Variants in DDX60L observed in about 807,000 individuals in gnomAD.
The protein encoded by DDX60L is probable ATP-dependent RNA helicase DDX60-like.
A neutral mutation model predicts 211.6 loss-of-function variants in DDX60L; 191 were observed. The observed-to-expected ratio is 0.90, with a 90% CI of 0.80 to 1.02. DDX60L has a LOEUF of 1.02. Ranked by LOEUF, DDX60L falls within the 50% of genes least tolerant of loss-of-function variation. The probability of loss-of-function intolerance (pLI) is 0.00; values close to 1 mark genes in which losing one functional copy is unlikely to be tolerated. For synonymous variants in DDX60L, 706 were observed against 694.1 expected, an observed-to-expected ratio of 1.02 and a Z score of -0.27; for missense variants, 2,007 against 1,984.1, an observed-to-expected ratio of 1.01 and a Z score of -0.22.
At chr4:168,477,219 T>G (rs969817062) in intron 1 of DDX60L, among the ~76,000 whole-genome samples, 1 of 151,968 alleles carries the variant, frequency 6.6e-6, no homozygotes, top group East Asian at 1.9e-4. Flanking sequence ...ATCGAGACCA[T>G]CCTGGCTAAC....
Position 168,448,560 on chromosome 4 carries a change from G to T in DDX60L, c.1138+78C>A. 3.7e-6 allele frequency: 4 copies of T among 1,085,668 alleles called. No homozygotes were observed. The South Asian group carries it at 6.3e-5, about 17-fold the overall frequency. 67.3% of individuals were successfully genotyped at this position (1,085,668 alleles called of 1,614,324 possible). Reference sequence around the variant, plus strand: ...GTTTTCAAGAAACAAAAATGTTGCTGTGGTATGTACTGGAAAATTTATAAG... The same window carrying T: ...GTTTTCAAGAAACAAAAATGTTGCTTTGGTATGTACTGGAAAATTTATAAG... On this transcript the variant is annotated intron_variant, in intron 9 of 37. Coordinates refer to ENST00000682922, the MANE Select transcript of DDX60L (RefSeq NM_001012967.3).
chr4:168,429,133 A>G (rs193208304), intron 13 of DDX60L, among the ~76,000 whole-genome samples: 128 of 152,160 alleles, frequency 8.4e-4, no homozygotes, highest in Admixed American at 7.8e-3. Context: ...GTAACAAACT[A>G]ATATACAAAA....
chr4:168,398,515 C>A (rs1336921205), intron 26 of DDX60L, among the ~76,000 whole-genome samples: 2 of 152,160 alleles, frequency 1.3e-5, no homozygotes, highest in Non-Finnish European at 2.9e-5. Context: ...AGGCTCGGAG[C>A]AGAAAGGAGT....
At chr4:168,451,251 G>C (rs1237656118) in intron 8 of DDX60L, among the ~76,000 whole-genome samples, 1 of 152,196 alleles carries the variant, frequency 6.6e-6, no homozygotes, top group East Asian at 1.9e-4. Flanking sequence ...ACCACTCATG[G>C]GCTGATGTGT....
In DDX60L at chr4:168,357,641, G is replaced by C. The variant is rs1398191053; in HGVS notation, c.*506C>G. ...TTAGAATTTCAATATAAAAATTTTG[G>C]AGGGGAGGGCACAAACATCCAGTCC... On this transcript the variant is annotated 3_prime_UTR_variant, in exon 38 of 38. Transcript: ENST00000682922. The C allele has an allele frequency of 6.5e-6, 1 of 154,078 alleles. No individual in the cohort carries two copies. Among genetic ancestry groups the C allele is most frequent in the East Asian group, 1.9e-4 (1 of 5,254 alleles). The allele number at this position is 154,078 out of a possible 1,614,324, so 9.5% of individuals were successfully genotyped here.
intron 36 of DDX60L, among the ~76,000 whole-genome samples, chr4:168,362,509 T>C (rs1408580751): frequency 2.0e-5 from 3 of 151,784 alleles, no homozygotes; most frequent in African/African-American, 7.3e-5. Flanking sequence ...CTCTGGAGAG[T>C]CCACCATACA....
intron 9 of DDX60L, among the ~76,000 whole-genome samples, chr4:168,448,182 A>G (rs907739030): frequency 6.6e-6 from 1 of 152,312 alleles, no homozygotes; most frequent in African/African-American, 2.4e-5. Context: ...ATGTTCGTTC[A>G]GGAAAAATAT....
intron 29 of DDX60L, 31 bp from the exon 30 acceptor site, chr4:168,384,843 C>A (rs1245719431): frequency 6.3e-7 from 1 of 1,585,994 alleles, no homozygotes. Context: ...CAATGTAAAA[C>A]CTCCACAGAT....
intron 37 of DDX60L, 146 bp from the exon 38 acceptor site, chr4:168,358,422 GCA>G (rs1192465942): frequency 2.6e-5 from 15 of 580,898 alleles, no homozygotes; most frequent in African/African-American, 3.9e-5. Flanking sequence ...TTAATAAAAT[GCA>G]CAGTTATCTT....
intron 14 of DDX60L, 137 bp downstream of exon 14, chr4:168,426,933 C>A (rs921588224): frequency 9.8e-7 from 1 of 1,024,572 alleles, no homozygotes; most frequent in Non-Finnish European, 1.4e-6. Flanking sequence ...TAATAACTAT[C>A]TTAAAGGGTC....
At chr4:168,456,475 A>G (rs909899971) in intron 6 of DDX60L, among the ~76,000 whole-genome samples, 18 of 152,198 alleles carry the variant, frequency 1.2e-4, no homozygotes, top group African/African-American at 4.3e-4. Flanking sequence ...ATTTTACTAA[A>G]AATCAGAGAA....
intron 8 of DDX60L, among the ~76,000 whole-genome samples, chr4:168,451,159 A>C (rs1229563329): frequency 6.6e-6 from 1 of 152,084 alleles, no homozygotes; most frequent in Non-Finnish European, 1.5e-5. Flanking sequence ...CTGACCACTA[A>C]ATTCTGGAAT....
rs766257984 is a variant in DDX60L at position 168,472,687 on chromosome 4, G to A, written c.4+9C>T. ...TTATAGGCTACAAATATCAAAGATT[G>A]AGAATTACCCATCGTTGCTGCTTCT... is the stretch of plus-strand genomic sequence containing the variant. On this transcript the variant is annotated intron_variant, in intron 2 of 37. Transcript: ENST00000682922. 1 of 1,613,396 alleles carries A rather than the reference G, an allele frequency of 6.2e-7. No homozygotes were observed. The highest frequency in any genetic ancestry group is 8.5e-7 in the Non-Finnish European group (1 of 1,179,620).
chr4:168,377,642 T>C (rs927108306), intron 33 of DDX60L: 1 of 152,160 alleles, frequency 6.6e-6, no homozygotes, highest in Non-Finnish European at 1.5e-5. Context: ...TGTGGATATA[T>C]GTCAGTAACT....
At chr4:168,380,457 G>C (rs1742735387) in intron 30 of DDX60L, 1 of 152,438 alleles carries the variant, frequency 6.6e-6, no homozygotes, top group South Asian at 2.1e-4. Flanking sequence ...TCCTGCTCCA[G>C]CCATGCATGT....
intron 24 of DDX60L, among the ~76,000 whole-genome samples, 173 bp downstream of exon 24, chr4:168,405,777 A>G (rs978761889): frequency 2.0e-5 from 3 of 152,164 alleles, no homozygotes; most frequent in African/African-American, 7.2e-5. Flanking sequence ...AAATGAAACC[A>G]TTTCCCTCCT....
intron 14 of DDX60L, among the ~76,000 whole-genome samples, chr4:168,426,189 T>C (rs1444514311): frequency 6.6e-6 from 1 of 152,218 alleles, no homozygotes; most frequent in East Asian, 1.9e-4. Context: ...TCCCCTGCTC[T>C]TGTCAAGAAC....
At chr4:168,360,204 G>A (rs1220453473) in intron 37 of DDX60L, among the ~76,000 whole-genome samples, 1 of 152,210 alleles carries the variant, frequency 6.6e-6, no homozygotes, top group Non-Finnish European at 1.5e-5. Context: ...GCCTGGAAGA[G>A]TGCCTCTAAC....
intron 5 of DDX60L, among the ~76,000 whole-genome samples, chr4:168,461,270 A>G (rs1430451266): frequency 6.6e-6 from 1 of 152,136 alleles, no homozygotes; most frequent in Non-Finnish European, 1.5e-5. Flanking sequence ...CAAATAACAA[A>G]AGACATTATT....
Sources: gnomAD v4.1 joint callset for allele counts (sites outside exome capture counted in the v4.1 genomes callset) on GRCh38, gnomAD v4.1.1 for gene constraint, MANE v1.5 for transcripts, NCBI Gene and HGNC (gene_info 2026-07-23, HGNC 2026-07-21) for gene names.